The following WDR49 variants were observed in gnomAD, a reference collection of about 807,000 sequenced individuals.
WDR49 encodes WD repeat domain 49.
WDR49 carries 107 observed loss-of-function variants against 119.5 expected under a neutral mutation model. That is an observed-to-expected ratio of 0.90 (90% CI 0.77 to 1.05). The LOEUF (loss-of-function observed/expected upper bound fraction) is 1.05. Among genes scored for constraint, WDR49 ranks in the 50% least tolerant of loss-of-function variants. WDR49 has a pLI of 0.00. For synonymous variants in WDR49, 425 were observed against 418.8 expected (o/e 1.01, Z -0.18); for missense variants, 1,240 against 1,220.5 (o/e 1.02, Z -0.24).
chr3:167,480,656 C>T lies in WDR49; in HGVS notation c.3032-1660G>A, dbSNP rs1354091336. On this transcript the variant is annotated intron_variant, in intron 18 of 18. Transcript: ENST00000682715. ...AATAAATTCTACTTTAAGCAAAACT[C>T]AAAGAGAGATGTAATCTGCAGCTTA... Among the ~76,000 whole-genome samples the T allele has an allele frequency of 4.6e-5, 7 of 152,018 alleles. No individual in the cohort carries two copies. The East Asian group carries it at 1.3e-3, about 29-fold the overall frequency.
At chr3:167,654,957 C>T (rs574652433), upstream of WDR49, among the ~76,000 whole-genome samples, 73 of 151,238 alleles carry the variant, frequency 4.8e-4, no homozygotes, top group East Asian at 1.7e-3. Context: ...TAGTAACATA[C>T]GGAAGAGAAC....
intron 16 of WDR49, among the ~76,000 whole-genome samples, chr3:167,515,867 A>G (rs1165357315): frequency 2.0e-5 from 3 of 152,302 alleles, no homozygotes; most frequent in East Asian, 1.9e-4. Flanking sequence ...CAAATCATAG[A>G]TGAATTCCCA....
intron 7 of WDR49, among the ~76,000 whole-genome samples, chr3:167,590,013 T>C (rs1051122944): frequency 8.5e-5 from 13 of 152,146 alleles, no homozygotes; most frequent in Non-Finnish European, 1.9e-4. Flanking sequence ...TTCTCCCATT[T>C]CAATACGATA....
intron 17 of WDR49, among the ~76,000 whole-genome samples, chr3:167,504,842 T>C (rs951093681): frequency 7.6e-4 from 116 of 152,134 alleles, no homozygotes; most frequent in African/African-American, 2.7e-3. Flanking sequence ...GCTCTCCTCA[T>C]GGTAGCAAGT....
At chr3:167,489,350 A>G (rs1481676123) in intron 18 of WDR49, among the ~76,000 whole-genome samples, 1 of 152,064 alleles carries the variant, frequency 6.6e-6, no homozygotes, top group Non-Finnish European at 1.5e-5. Context: ...GGGACCCTAT[A>G]ATATTCATAA....
At chr3:167,579,310 T>C (rs146184016) in intron 7 of WDR49, among the ~76,000 whole-genome samples, 2 of 152,302 alleles carry the variant, frequency 1.3e-5, no homozygotes, top group Admixed American at 6.5e-5. Flanking sequence ...AGATCATTGA[T>C]GAAAAGATCA....
At chr3:167,649,432 CCTG>C (rs1389471914) in intron 2 of WDR49, among the ~76,000 whole-genome samples, 1 of 152,096 alleles carries the variant, frequency 6.6e-6, no homozygotes, top group Non-Finnish European at 1.5e-5. Context: ...GTTCATAGAC[CCTG>C]CTGTAGAATG....
At chr3:167,643,158 G>T (rs1717961073) in intron 2 of WDR49, among the ~76,000 whole-genome samples, 1 of 152,002 alleles carries the variant, frequency 6.6e-6, no homozygotes, top group South Asian at 2.1e-4. Context: ...TCACAATATA[G>T]TATAAAACTA....
intron 17 of WDR49, 136 bp from the exon 18 acceptor site, chr3:167,500,435 A>C (rs1338401461): frequency 3.0e-6 from 3 of 996,250 alleles, no homozygotes; most frequent in African/African-American, 1.7e-5. Context: ...GTACAGCTGC[A>C]GTGATCTGCA....
rs1257616438 is a variant in WDR49 at position 167,530,647 on chromosome 3, C to A, written c.2218+468G>T. On this transcript the variant is annotated intron_variant, in intron 13 of 18. Coordinates refer to ENST00000682715, the MANE Select transcript of WDR49 (RefSeq NM_001366157.1). ...CTGGGATTAGCAATTCTTTCAAATTCTGTTACTGTTCTTAACATCCATGCT... is the reference window on the plus strand; with the variant it reads ...CTGGGATTAGCAATTCTTTCAAATTATGTTACTGTTCTTAACATCCATGCT... Among the ~76,000 whole-genome samples, 5 of 152,042 alleles carry A rather than the reference C, an allele frequency of 3.3e-5. No individual in the cohort carries two copies. In the East Asian group the frequency reaches 9.7e-4, roughly 29 times the overall value.
chr3:167,597,054 C>A (rs1182946376), intron 7 of WDR49, among the ~76,000 whole-genome samples: 1 of 151,712 alleles, frequency 6.6e-6, no homozygotes, highest in East Asian at 1.9e-4. Context: ...ATAGCCAAGA[C>A]AATGGGGAAA....
At chr3:167,631,613 A>G (rs1478887167) in intron 2 of WDR49, among the ~76,000 whole-genome samples, 1 of 152,104 alleles carries the variant, frequency 6.6e-6, no homozygotes, top group Non-Finnish European at 1.5e-5. Context: ...GTTCAGTGAG[A>G]TTCATTATGA....
chr3:167,505,838 A>C (rs1224884176), intron 16 of WDR49, among the ~76,000 whole-genome samples: 1 of 152,216 alleles, frequency 6.6e-6, no homozygotes, highest in East Asian at 1.9e-4. Flanking sequence ...GGCATCCAAA[A>C]TGCAAAGAAG....
At chr3:167,599,151 C>T (rs916948959) in intron 7 of WDR49, among the ~76,000 whole-genome samples, 5 of 152,202 alleles carry the variant, frequency 3.3e-5, no homozygotes, top group Non-Finnish European at 5.9e-5. Context: ...AGCAGACAAC[C>T]TTGTGTCCTT....
chr3:167,491,651 T>C (rs1464132640), intron 18 of WDR49, among the ~76,000 whole-genome samples: 1 of 152,184 alleles, frequency 6.6e-6, no homozygotes, highest in African/African-American at 2.4e-5. Flanking sequence ...ATAGAGCATT[T>C]TCTCCACACT....
At chr3:167,609,162 C>T (rs1716210284) in intron 5 of WDR49, among the ~76,000 whole-genome samples, 1 of 152,070 alleles carries the variant, frequency 6.6e-6, no homozygotes, top group African/African-American at 2.4e-5. Context: ...ACCAATTCTC[C>T]CCTCTACCCC....
intron 7 of WDR49, among the ~76,000 whole-genome samples, chr3:167,579,834 T>C (rs1714444837): frequency 6.6e-6 from 1 of 152,108 alleles, no homozygotes; most frequent in Non-Finnish European, 1.5e-5. Context: ...ATATTACTAA[T>C]GATAATCACG....
chr3:167,606,290 G>T (rs1024265996), intron 5 of WDR49, among the ~76,000 whole-genome samples: 3 of 152,128 alleles, frequency 2.0e-5, no homozygotes, highest in East Asian at 3.9e-4. Context: ...ACACAAAATT[G>T]TGTATAAAAT....
chr3:167,574,475 T>C (rs1222870681), intron 8 of WDR49, among the ~76,000 whole-genome samples: 2 of 152,260 alleles, frequency 1.3e-5, no homozygotes, highest in African/African-American at 4.8e-5. Flanking sequence ...CACAGCTCTA[T>C]GTGCTTTACA....
Sources: gnomAD v4.1 joint callset for allele counts (sites outside exome capture counted in the v4.1 genomes callset) on GRCh38, gnomAD v4.1.1 for gene constraint, MANE v1.5 for transcripts, NCBI Gene and HGNC (gene_info 2026-07-23, HGNC 2026-07-21) for gene names.